The following MCF2L variants were observed in gnomAD, a reference collection of about 807,000 sequenced individuals.
The protein encoded by MCF2L is guanine nucleotide exchange factor DBS.
Under a neutral mutation model 153.4 loss-of-function variants are expected in MCF2L, and 97 were observed. The observed-to-expected ratio is 0.63, with a 90% CI of 0.54 to 0.75. The LOEUF is 0.75. MCF2L is among the 30% of genes least tolerant of loss of function. MCF2L has a pLI of 0.00. For synonymous variants in MCF2L, 659 were observed against 632.2 expected (o/e 1.04, Z -0.64); for missense variants, 1,347 against 1,495.2 (o/e 0.90, Z 1.64).
intron 2 of MCF2L, among the ~76,000 whole-genome samples, chr13:112,961,879 A>T (rs1349601491): frequency 6.6e-6 from 1 of 151,998 alleles, no homozygotes; most frequent in African/African-American, 2.4e-5. Context: ...ACGAGAGGCC[A>T]CTCATTCACC....
chr13:113,055,518 G>A (rs1427051825), intron 4 of MCF2L, among the ~76,000 whole-genome samples: 2 of 151,628 alleles, frequency 1.3e-5, no homozygotes, highest in African/African-American at 4.8e-5. Context: ...ACAGTGAAAC[G>A]TAGAAGAGCG....
intron 4 of MCF2L, 80 bp from the exon 5 acceptor site, chr13:113,060,513 C>G (rs775004645): frequency 6.4e-7 from 1 of 1,557,714 alleles, no homozygotes; most frequent in Non-Finnish European, 8.7e-7. Flanking sequence ...CCCGGTCAGC[C>G]CAGCGTGCAG....
chr13:113,010,847 A>T (rs1213404242), intron 1 of MCF2L, among the ~76,000 whole-genome samples: 1 of 152,202 alleles, frequency 6.6e-6, no homozygotes, highest in Non-Finnish European at 1.5e-5. Flanking sequence ...GTCTGACAGC[A>T]CAGAGCCCCA....
chr13:113,003,822 C>T (rs910016437), intron 1 of MCF2L, among the ~76,000 whole-genome samples: 1 of 152,152 alleles, frequency 6.6e-6, no homozygotes, highest in African/African-American at 2.4e-5. Flanking sequence ...GGCCTAGGGA[C>T]CTGGAAGGAA....
At chr13:112,927,263 G>T (rs565614296) in intron 2 of MCF2L, among the ~76,000 whole-genome samples, 1 of 152,192 alleles carries the variant, frequency 6.6e-6, no homozygotes, top group Non-Finnish European at 1.5e-5. Flanking sequence ...TGTCCCAAAA[G>T]TACTCTGGCA....
chr13:113,073,240 A>G (rs1279163562), intron 9 of MCF2L, among the ~76,000 whole-genome samples: 2 of 152,182 alleles, frequency 1.3e-5, no homozygotes, highest in Admixed American at 6.5e-5. Context: ...GCCCAAGAAT[A>G]TGGTCTTTCT....
At chr13:112,909,061 G>A (rs55921068) in intron 2 of MCF2L, among the ~76,000 whole-genome samples, 4 of 152,172 alleles carry the variant, frequency 2.6e-5, no homozygotes, top group Admixed American at 1.3e-4. Context: ...CGGCTTTGCC[G>A]AGGGGATGAT....
At chr13:113,063,948 G>C (rs74115773) in intron 5 of MCF2L, 5,014 of 421,640 alleles carry the variant, frequency 0.012, 173 homozygotes, top group East Asian at 0.07. Context: ...GGAGCCTGTG[G>C]CATGGATGAC....
At chr13:113,092,546 G>C (rs1280865974) in intron 26 of MCF2L, among the ~76,000 whole-genome samples, 3 of 152,254 alleles carry the variant, frequency 2.0e-5, no homozygotes, top group African/African-American at 7.2e-5. Flanking sequence ...GGTGGTTCTG[G>C]GTGGCCTGAG....
Position 113,078,742 on chromosome 13 carries a change from G to A in MCF2L, c.1808+3G>A. On this transcript the variant is annotated splice_donor_region_variant and intron_variant, in intron 15 of 29. Coordinates refer to ENST00000535094, the MANE Select transcript of MCF2L (RefSeq NM_001112732.3). ...GAAAGCCTGGCCATCCTGCGCAGGT[G>A]GGTGCGCTGCCCTTCTGTCCTCACA... 1.3e-6 allele frequency: 2 copies of A among 1,595,510 alleles called. No individual in the cohort carries two copies. Among genetic ancestry groups the A allele is most frequent in the Non-Finnish European group, 1.7e-6 (2 of 1,175,624 alleles).
Position 113,024,771 on chromosome 13 carries a change from A to G in MCF2L, c.278+13A>G. 6.3e-7 allele frequency: 1 copy of G among 1,594,804 alleles called. No homozygotes were observed. The highest frequency in any genetic ancestry group is 2.2e-5 in the East Asian group (1 of 44,780). On this transcript the variant is annotated intron_variant, in intron 3 of 29. Coordinates refer to ENST00000535094, the MANE Select transcript of MCF2L (RefSeq NM_001112732.3). ...CCAGCATCCCCAGGTACGTGCACCC[A>G]GAGCCCGGCAGACATTGTGGTTTGG...
chr13:112,906,891 C>T (rs1193807310), intron 2 of MCF2L, among the ~76,000 whole-genome samples: 4 of 152,180 alleles, frequency 2.6e-5, no homozygotes, highest in Non-Finnish European at 2.9e-5. Context: ...TGATTTTCGT[C>T]CCAGCAAACC....
intron 1 of MCF2L, among the ~76,000 whole-genome samples, chr13:112,996,567 G>A (rs146416589): frequency 1.3e-5 from 2 of 152,232 alleles, no homozygotes; most frequent in East Asian, 3.9e-4. Flanking sequence ...TCCAGAGTGT[G>A]CAGTGCCCTT....
At chr13:112,962,820 G>GC (rs961510296) in intron 2 of MCF2L, among the ~76,000 whole-genome samples, 2 of 152,164 alleles carry the variant, frequency 1.3e-5, no homozygotes, top group African/African-American at 4.8e-5. Flanking sequence ...CAGAAGGGGA[G>GC]CCCCCCAGGC....
At chr13:112,975,857 G>A (rs1360240441) in intron 1 of MCF2L, among the ~76,000 whole-genome samples, 1 of 152,188 alleles carries the variant, frequency 6.6e-6, no homozygotes, top group Non-Finnish European at 1.5e-5. Context: ...GATGCCCACG[G>A]TCGCAGAGAG....
intron 3 of MCF2L, chr13:113,040,948 G>C (rs562556730): frequency 1.3e-5 from 2 of 152,226 alleles, no homozygotes; most frequent in Non-Finnish European, 1.5e-5. Flanking sequence ...GACGCAGCCA[G>C]TTGGAACATT....
chr13:112,952,924 G>A (rs2081710858), intron 2 of MCF2L, among the ~76,000 whole-genome samples: 1 of 152,160 alleles, frequency 6.6e-6, no homozygotes, highest in East Asian at 1.9e-4. Context: ...CGCCCCGTGT[G>A]ATCAGCCACA....
chr13:113,014,928 C>A, intron 2 of MCF2L, 82 bp downstream of exon 2: 1 of 1,286,478 alleles, frequency 7.8e-7, no homozygotes, highest in Non-Finnish European at 1.1e-6. Flanking sequence ...TGGCCTGGCC[C>A]AGGCTGGAGC....
chr13:113,060,540 GC>G, intron 4 of MCF2L, 52 bp from the exon 5 acceptor site: 4 of 1,599,378 alleles, frequency 2.5e-6, no homozygotes, highest in Non-Finnish European at 3.4e-6. Flanking sequence ...CACTAGGGGG[GC>G]TGCTGTCTGC....
Sources: gnomAD v4.1 joint callset for allele counts (sites outside exome capture counted in the v4.1 genomes callset) on GRCh38, gnomAD v4.1.1 for gene constraint, MANE v1.5 for transcripts, NCBI Gene and HGNC (gene_info 2026-07-23, HGNC 2026-07-21) for gene names.